ZNF117: variants seen among roughly 807,000 people sequenced by gnomAD.
The protein encoded by ZNF117 is Krueppel-related zinc finger protein.
ZNF117 carries 37 observed loss-of-function variants against 41.2 expected under a neutral mutation model. The ratio of observed to expected loss-of-function variants is 0.90; its 90% CI spans 0.69 to 1.18. The LOEUF is 1.18. Among genes scored for constraint, ZNF117 ranks in the 50% most tolerant of loss-of-function variants. The pLI, the probability that ZNF117 is intolerant of heterozygous loss-of-function variation, is 0.00. For missense variants in ZNF117, 546 were observed against 557.5 expected (o/e 0.98, Z 0.21); for synonymous variants, 186 against 186.6 (o/e 1.00, Z 0.02).
exon 3 of ZNF117, chr7:64,974,470 GTACAT>G (rs1001461850): frequency 1.3e-5 from 2 of 151,804 alleles, no homozygotes; most frequent in Admixed American, 6.6e-5. Flanking sequence ...CAGTTGTCTA[GTACAT>G]TACTTTATTA....
At chr7:64,973,109 A>G (rs954643817), downstream of ZNF117, 2 of 152,020 alleles carry the variant, frequency 1.3e-5, no homozygotes, top group South Asian at 2.1e-4. Flanking sequence ...ACAAAAAGCA[A>G]TAACTGTACA....
chr7:64,975,266 T>A (rs957434033), exon 3 of ZNF117: 2 of 138,522 alleles, frequency 1.4e-5, no homozygotes, highest in African/African-American at 5.3e-5. Context: ...TAATCTAAAA[T>A]TTTTTAAATG....
chr7:64,988,793 A>G (rs912691888), intron 1 of ZNF117, among the ~76,000 whole-genome samples: 1 of 152,204 alleles, frequency 6.6e-6, no homozygotes, highest in Non-Finnish European at 1.5e-5. Flanking sequence ...ATCCCTGTAC[A>G]TTAATAACAT....
At chr7:64,987,099 A>T (rs1786152368), upstream of ZNF117, among the ~76,000 whole-genome samples, 2 of 152,054 alleles carry the variant, frequency 1.3e-5, no homozygotes, top group African/African-American at 4.8e-5. Flanking sequence ...CCAACCACAC[A>T]CTCTGACCAC....
upstream of ZNF117, among the ~76,000 whole-genome samples, chr7:64,987,114 T>C (rs924484438): frequency 1.6e-4 from 24 of 152,180 alleles, no homozygotes; most frequent in African/African-American, 5.1e-4. Context: ...GACCACAACT[T>C]GATACAAATA....
At chr7:64,976,322 G>T (rs9638417) in exon 3 of ZNF117, 77,993 of 152,558 alleles carry the variant, frequency 0.51, 20,894 homozygotes, top group Admixed American at 0.63. Flanking sequence ...TGTGCCTGTA[G>T]TCTCAGCTAC....
exon 3 of ZNF117, chr7:64,977,353 G>T: frequency 2.4e-6 from 1 of 413,170 alleles, no homozygotes; most frequent in East Asian, 6.5e-5. Flanking sequence ...TATGTAGAAA[G>T]GGTTGAAGAC....
chr7:64,972,818 A>ATG (rs1187594799), downstream of ZNF117: 1 of 152,084 alleles, frequency 6.6e-6, no homozygotes, highest in Non-Finnish European at 1.5e-5. Flanking sequence ...AATGTTAACG[A>ATG]TGTGAGGTAA....
intron 1 of ZNF117, among the ~76,000 whole-genome samples, chr7:64,989,471 AT>A (rs1786210026): frequency 5.3e-5 from 6 of 112,188 alleles, no homozygotes; most frequent in Non-Finnish European, 9.1e-5. Flanking sequence ...ATATATATAT[AT>A]ATATATATAT....
chr7:64,977,579 A>T (rs7810372), exon 3 of ZNF117: 528,325 of 568,126 alleles, frequency 0.93, 246,883 homozygotes, highest in South Asian at 0.97. Context: ...GTTTCTCTCC[A>T]GTATGAATTC....
chr7:64,979,775 A>C, intron 2 of ZNF117: 1 of 288,102 alleles, frequency 3.5e-6, no homozygotes, highest in Non-Finnish European at 6.4e-6. Flanking sequence ...ACAATTCCAA[A>C]AGCCACATGG....
upstream of ZNF117, among the ~76,000 whole-genome samples, chr7:64,982,779 A>G (rs1223027820): frequency 6.6e-6 from 1 of 152,214 alleles, no homozygotes; most frequent in Non-Finnish European, 1.5e-5. Context: ...GTGATGGTTT[A>G]CATGCACATC....
chr7:64,986,262 G>A (rs1411699098), upstream of ZNF117, among the ~76,000 whole-genome samples: 1 of 152,130 alleles, frequency 6.6e-6, no homozygotes, highest in Non-Finnish European at 1.5e-5. Context: ...CTAGGAAAAA[G>A]GCCTATGTCT....
chr7:64,982,751 G>T (rs1004080306), upstream of ZNF117, among the ~76,000 whole-genome samples: 19 of 152,104 alleles, frequency 1.2e-4, no homozygotes, highest in African/African-American at 4.1e-4. Flanking sequence ...AGAAAGAAAG[G>T]CAGCTGCCAG....
chr7:64,983,490 C>A (rs958902218), upstream of ZNF117, among the ~76,000 whole-genome samples: 1 of 152,126 alleles, frequency 6.6e-6, no homozygotes, highest in Non-Finnish European at 1.5e-5. Flanking sequence ...AGAAACAACA[C>A]AATTAGAGAA....
At chr7:64,985,891 G>A (rs1215754599), upstream of ZNF117, among the ~76,000 whole-genome samples, 2 of 140,638 alleles carry the variant, frequency 1.4e-5, no homozygotes, top group Non-Finnish European at 3.0e-5. Flanking sequence ...GGTGGAGGTT[G>A]CAGTGAGCCA....
downstream of ZNF117, chr7:64,973,362 G>A (rs977698287): frequency 6.6e-6 from 1 of 151,920 alleles, no homozygotes; most frequent in Non-Finnish European, 1.5e-5. Flanking sequence ...TAATTTCTAA[G>A]ATGTATTTTC....
upstream of ZNF117, among the ~76,000 whole-genome samples, chr7:64,985,339 T>C (rs1312166822): frequency 6.6e-6 from 1 of 152,232 alleles, no homozygotes; most frequent in Non-Finnish European, 1.5e-5. Context: ...CCTGATTACC[T>C]TGGATAATCT....
upstream of ZNF117, among the ~76,000 whole-genome samples, chr7:64,983,059 T>C (rs1366612852): frequency 6.6e-6 from 1 of 152,254 alleles, no homozygotes; most frequent in East Asian, 1.9e-4. Context: ...ATAGTGATTT[T>C]AAGTAGTTTT....
Sources: allele counts gnomAD v4.1 joint callset (sites outside exome capture counted in the v4.1 genomes callset), GRCh38; gene constraint gnomAD v4.1.1; transcripts MANE v1.5; gene names NCBI Gene and HGNC (gene_info 2026-07-23, HGNC 2026-07-21).